The following SMYD3 variants were observed in gnomAD, a reference collection of about 807,000 sequenced individuals.
SMYD3 encodes histone-lysine N-methyltransferase SMYD3.
SMYD3 carries 36 observed loss-of-function variants against 57.7 expected under a neutral mutation model. The observed-to-expected ratio is 0.62, with a 90% CI of 0.48 to 0.82. The LOEUF is 0.82. SMYD3 is among the 40% of genes least tolerant of loss of function. The pLI, the probability that SMYD3 is intolerant of heterozygous loss-of-function variation, is 0.00. For synonymous variants in SMYD3, 211 were observed against 195.0 expected, an observed-to-expected ratio of 1.08 and a Z score of -0.68; for missense variants, 515 against 538.8, an observed-to-expected ratio of 0.96 and a Z score of 0.44.
At chr1:246,268,810 C>T (rs536513551) in intron 5 of SMYD3, among the ~76,000 whole-genome samples, 9 of 152,198 alleles carry the variant, frequency 5.9e-5, no homozygotes, top group African/African-American at 1.9e-4. Context: ...TCTTTTATTC[C>T]TTTACTTTCT....
intron 10 of SMYD3, among the ~76,000 whole-genome samples, chr1:245,804,698 T>C (rs1224735784): frequency 1.3e-5 from 2 of 152,204 alleles, no homozygotes; most frequent in African/African-American, 2.4e-5. Context: ...GGAACTAACT[T>C]AGGCCCCTTT....
intron 5 of SMYD3, among the ~76,000 whole-genome samples, chr1:246,065,527 G>A (rs1394238741): frequency 6.6e-6 from 1 of 152,188 alleles, no homozygotes; most frequent in African/African-American, 2.4e-5. Context: ...ACAGGCTGAG[G>A]CAATGTTAAA....
At chr1:245,874,787 GAA>G (rs2052400065) in intron 8 of SMYD3, among the ~76,000 whole-genome samples, 2 of 152,176 alleles carry the variant, frequency 1.3e-5, no homozygotes, top group South Asian at 2.1e-4. Context: ...AACAAAAAAA[GAA>G]AAGTCTGTAG....
At chr1:246,209,010 A>T (rs553753080) in intron 5 of SMYD3, among the ~76,000 whole-genome samples, 12 of 152,306 alleles carry the variant, frequency 7.9e-5, no homozygotes, top group Non-Finnish European at 4.4e-5. Flanking sequence ...GAGGGCAACT[A>T]ATTTAAAAAT....
At chr1:245,901,294 T>G (rs192899378) in intron 8 of SMYD3, among the ~76,000 whole-genome samples, 27 of 152,306 alleles carry the variant, frequency 1.8e-4, no homozygotes, top group Middle Eastern at 3.4e-3. Context: ...ACTTCCTAAT[T>G]TACTTATAAT....
At position 246,449,465 on chromosome 1, in the gene SMYD3, G is replaced by C. The variant is rs576547661; in HGVS notation, c.164+57589C>G. 2.6e-5 allele frequency among the ~76,000 whole-genome samples: 4 copies of C among 152,312 alleles called. No individual in the cohort carries two copies. The East Asian group carries it at 7.7e-4, about 29-fold the overall frequency. On this transcript the variant is annotated intron_variant, in intron 1 of 11. Transcript: ENST00000490107. ...ACTTAGAATTCCTTCTTCTGAGACA[G>C]TGTGATATGGGGCAGGAGGGACCTG...
chr1:245,934,764 A>T (rs574604623), intron 5 of SMYD3, among the ~76,000 whole-genome samples: 10 of 142,794 alleles, frequency 7.0e-5, no homozygotes, highest in African/African-American at 2.8e-4. Flanking sequence ...AATTTCAATT[A>T]AAAAAAAAAT....
At chr1:245,763,336 G>A (rs1024365824) in intron 11 of SMYD3, among the ~76,000 whole-genome samples, 4 of 152,124 alleles carry the variant, frequency 2.6e-5, no homozygotes. Context: ...GGTGGTCATC[G>A]GGTATGCCTA....
chr1:245,844,725 C>T (rs1008496021), intron 10 of SMYD3, among the ~76,000 whole-genome samples: 8 of 137,968 alleles, frequency 5.8e-5, no homozygotes, highest in Non-Finnish European at 9.3e-5. Flanking sequence ...CTTAATAGTT[C>T]GAATGAAAGG....
intron 5 of SMYD3, among the ~76,000 whole-genome samples, chr1:246,188,392 C>A (rs1034578778): frequency 6.6e-6 from 1 of 152,144 alleles, no homozygotes; most frequent in African/African-American, 2.4e-5. Flanking sequence ...TGGAGCCCTG[C>A]AAAGATTCAC....
chr1:246,295,628 AT>A (rs1185789373), intron 5 of SMYD3, among the ~76,000 whole-genome samples: 1 of 152,216 alleles, frequency 6.6e-6, no homozygotes, highest in Non-Finnish European at 1.5e-5. Context: ...AAGGAATTTA[AT>A]AAAAGTATCT....
At chr1:246,104,252 G>A (rs960317907) in intron 5 of SMYD3, among the ~76,000 whole-genome samples, 9 of 152,180 alleles carry the variant, frequency 5.9e-5, no homozygotes, top group Admixed American at 6.5e-5. Flanking sequence ...TTGTAAGAGC[G>A]AATATGCAGA....
intron 5 of SMYD3, among the ~76,000 whole-genome samples, chr1:246,009,466 T>C (rs750772493): frequency 6.6e-6 from 1 of 152,220 alleles, no homozygotes; most frequent in Non-Finnish European, 1.5e-5. Context: ...TATTTGTGAA[T>C]ATATATTTTT....
At chr1:246,247,823 A>G (rs144381954) in intron 5 of SMYD3, among the ~76,000 whole-genome samples, 1 of 152,278 alleles carries the variant, frequency 6.6e-6, no homozygotes, top group Non-Finnish European at 1.5e-5. Context: ...GCTTTGAAAA[A>G]TTTTGGTAGA....
chr1:246,036,720 A>ATTT (rs546300378), intron 5 of SMYD3, among the ~76,000 whole-genome samples: 1 of 110,532 alleles, frequency 9.0e-6, no homozygotes, highest in Non-Finnish European at 1.7e-5. Flanking sequence ...AGCCCGGCTA[A>ATTT]TTTTTTTTTT....
chr1:245,890,556 A>G (rs1289174181), intron 8 of SMYD3, among the ~76,000 whole-genome samples: 1 of 152,236 alleles, frequency 6.6e-6, no homozygotes, highest in Non-Finnish European at 1.5e-5. Flanking sequence ...GCTTTGATCC[A>G]AAAGATAGGG....
Position 245,978,576 on chromosome 1 carries a change from G to A in SMYD3, c.532-48639C>T, listed in dbSNP as rs142760131. 4.7e-3 allele frequency among the ~76,000 whole-genome samples: 722 copies of A among 152,214 alleles called. 7 individuals carry two copies. The highest frequency in any genetic ancestry group is 0.017 in the African/African-American group (699 of 41,532). ...AAAAAATAAGTGCGGGAGGGCGGGG[G>A]GCAGAGAGAACTATTTCAAAAGGTT... On this transcript the variant is annotated intron_variant, in intron 5 of 11. Coordinates refer to ENST00000490107, the MANE Select transcript of SMYD3 (RefSeq NM_001167740.2).
intron 1 of SMYD3, among the ~76,000 whole-genome samples, chr1:246,467,424 T>C (rs1439363154): frequency 2.0e-5 from 3 of 152,072 alleles, no homozygotes; most frequent in Non-Finnish European, 4.4e-5. Context: ...AACAAAGAGC[T>C]GGTTTTTTAA....
intron 5 of SMYD3, among the ~76,000 whole-genome samples, chr1:246,314,802 T>C (rs1330048760): frequency 6.6e-6 from 1 of 152,222 alleles, no homozygotes; most frequent in Middle Eastern, 3.2e-3. Flanking sequence ...AACTCATCAT[T>C]AGACAAGCTA....
Sources: gnomAD v4.1 joint callset for allele counts (sites outside exome capture counted in the v4.1 genomes callset) on GRCh38, gnomAD v4.1.1 for gene constraint, MANE v1.5 for transcripts, NCBI Gene and HGNC (gene_info 2026-07-23, HGNC 2026-07-21) for gene names.